SPOCK3: variants seen among roughly 807,000 people sequenced by gnomAD.
SPOCK3 encodes the protein SPARC (osteonectin), cwcv and kazal like domains proteoglycan 3.
Under a neutral mutation model 56.6 loss-of-function variants are expected in SPOCK3, and 30 were observed. The observed-to-expected ratio is 0.53, with a 90% CI of 0.40 to 0.72. SPOCK3 has a LOEUF of 0.72. Among genes scored for constraint, SPOCK3 ranks in the 30% least tolerant of loss-of-function variants. The pLI is 0.00. For missense variants in SPOCK3, 527 were observed against 530.0 expected (o/e 0.99, Z 0.06); for synonymous variants, 196 against 183.3 (o/e 1.07, Z -0.56).
chr4:167,210,651 A>C (rs575767788), intron 2 of SPOCK3, among the ~76,000 whole-genome samples: 3 of 152,316 alleles, frequency 2.0e-5, no homozygotes, highest in Admixed American at 6.5e-5. Context: ...TTGAAATGAT[A>C]TATTTTAGCA....
At chr4:167,007,852 T>C (rs1294835201) in intron 3 of SPOCK3, among the ~76,000 whole-genome samples, 1 of 152,174 alleles carries the variant, frequency 6.6e-6, no homozygotes, top group African/African-American at 2.4e-5. Flanking sequence ...CAGTGTTTAA[T>C]TATGAATATT....
At chr4:167,053,932 C>A (rs1754495628) in intron 3 of SPOCK3, among the ~76,000 whole-genome samples, 1 of 152,034 alleles carries the variant, frequency 6.6e-6, no homozygotes, top group Admixed American at 6.6e-5. Flanking sequence ...CGGGTTCGTT[C>A]TTATATCTCT....
chr4:167,046,316 A>G (rs1488672112), intron 3 of SPOCK3, among the ~76,000 whole-genome samples: 3 of 150,168 alleles, frequency 2.0e-5, no homozygotes, highest in African/African-American at 7.4e-5. Context: ...TTTCTTTTGC[A>G]TTTATTCTTC....
At chr4:167,159,915 C>A (rs1765138518) in intron 2 of SPOCK3, among the ~76,000 whole-genome samples, 3 of 152,216 alleles carry the variant, frequency 2.0e-5, no homozygotes, top group Admixed American at 2.0e-4. Context: ...CTATCTATGA[C>A]AAACCTACAG....
chr4:167,225,245 A>T (rs78409236), intron 2 of SPOCK3, among the ~76,000 whole-genome samples: 4,788 of 152,224 alleles, frequency 0.031, 88 homozygotes, highest in Admixed American at 0.069. Flanking sequence ...GAGGGAATAA[A>T]AATTTTTATT....
At chr4:166,922,537 A>G (rs1738613892) in intron 4 of SPOCK3, among the ~76,000 whole-genome samples, 1 of 151,550 alleles carries the variant, frequency 6.6e-6, no homozygotes. Context: ...TTATACTCAC[A>G]CTCCCCTAAT....
At chr4:166,924,549 C>A (rs1374187422) in intron 4 of SPOCK3, among the ~76,000 whole-genome samples, 1 of 152,210 alleles carries the variant, frequency 6.6e-6, no homozygotes, top group African/African-American at 2.4e-5. Context: ...CTTCTGACAG[C>A]TTTTTTCTGA....
At chr4:166,766,152 C>T (rs978488903) in intron 7 of SPOCK3, among the ~76,000 whole-genome samples, 32 of 152,256 alleles carry the variant, frequency 2.1e-4, no homozygotes, top group Non-Finnish European at 3.4e-4. Context: ...ATTTGACTTC[C>T]TATTTTCCTA....
chr4:167,151,073 G>A (rs549800098), intron 2 of SPOCK3, among the ~76,000 whole-genome samples: 41 of 152,258 alleles, frequency 2.7e-4, no homozygotes, highest in African/African-American at 9.6e-4. Context: ...TACTGAGTTG[G>A]TTCTCAAATT....
At chr4:167,121,648 A>G (rs566080422) in intron 2 of SPOCK3, among the ~76,000 whole-genome samples, 2 of 152,254 alleles carry the variant, frequency 1.3e-5, no homozygotes, top group East Asian at 3.9e-4. Context: ...ATTTTATACT[A>G]TTCATTTCTA....
At chr4:166,828,040 A>C (rs936008283) in intron 6 of SPOCK3, among the ~76,000 whole-genome samples, 3 of 152,132 alleles carry the variant, frequency 2.0e-5, no homozygotes, top group African/African-American at 4.8e-5. Context: ...AAAATACTTA[A>C]GCAGCACAGC....
chr4:166,753,921 G>A (rs1279606602), intron 8 of SPOCK3, among the ~76,000 whole-genome samples: 1 of 151,990 alleles, frequency 6.6e-6, no homozygotes, highest in Non-Finnish European at 1.5e-5. Context: ...GATGCATGAA[G>A]AACTGGTGCC....
At chr4:166,839,319 C>T (rs549398401) in intron 6 of SPOCK3, among the ~76,000 whole-genome samples, 2 of 152,194 alleles carry the variant, frequency 1.3e-5, no homozygotes, top group Non-Finnish European at 2.9e-5. Context: ...TAGGCCACCA[C>T]TCATATGGAA....
intron 2 of SPOCK3, chr4:167,102,500 T>G (rs1245263630): frequency 6.6e-6 from 1 of 152,222 alleles, no homozygotes; most frequent in East Asian, 1.9e-4. Flanking sequence ...ATTGAACTGC[T>G]TATACTACTC....
intron 8 of SPOCK3, among the ~76,000 whole-genome samples, chr4:166,747,424 A>G (rs189615049): frequency 7.9e-5 from 12 of 152,326 alleles, no homozygotes; most frequent in Non-Finnish European, 8.8e-5. Flanking sequence ...GCCTTTGACA[A>G]AATTCAACAG....
chr4:167,165,340 A>G (rs1489281943), intron 2 of SPOCK3, among the ~76,000 whole-genome samples: 6 of 152,180 alleles, frequency 3.9e-5, no homozygotes, highest in Non-Finnish European at 8.8e-5. Flanking sequence ...TCCAGAATCT[A>G]CAAGGATCTT....
chr4:167,203,461 T>A (rs1052294576), intron 2 of SPOCK3, among the ~76,000 whole-genome samples: 2 of 151,754 alleles, frequency 1.3e-5, no homozygotes, highest in African/African-American at 4.8e-5. Flanking sequence ...TAATACTCCT[T>A]GAAACCAAGG....
chr4:166,990,708 C>T (rs1025753909), intron 4 of SPOCK3, among the ~76,000 whole-genome samples: 1 of 151,944 alleles, frequency 6.6e-6, no homozygotes, highest in Non-Finnish European at 1.5e-5. Flanking sequence ...AATTCAGTAA[C>T]AGCAAGTTTG....
intron 2 of SPOCK3, among the ~76,000 whole-genome samples, chr4:167,180,880 G>A (rs1580535559): frequency 1.3e-5 from 2 of 152,248 alleles, no homozygotes; most frequent in East Asian, 1.9e-4. Flanking sequence ...ATAATAAGTA[G>A]ATATGGAACC....
Sources: gnomAD v4.1 joint callset for allele counts (sites outside exome capture counted in the v4.1 genomes callset) on GRCh38, gnomAD v4.1.1 for gene constraint, MANE v1.5 for transcripts, NCBI Gene and HGNC (gene_info 2026-07-23, HGNC 2026-07-21) for gene names.